The following AFAP1L2 variants were observed in gnomAD, a reference collection of about 807,000 sequenced individuals.
AFAP1L2 encodes the protein actin filament associated protein 1 like 2.
Under a neutral mutation model 99.3 loss-of-function variants are expected in AFAP1L2, and 46 were observed. The observed-to-expected ratio is 0.46, with a 90% CI of 0.37 to 0.59. AFAP1L2 has a LOEUF of 0.59. Among genes scored for constraint, AFAP1L2 ranks in the 20% least tolerant of loss-of-function variants. The pLI is 0.00. For synonymous variants in AFAP1L2, 397 were observed against 419.1 expected, an observed-to-expected ratio of 0.95 and a Z score of 0.64; for missense variants, 959 against 1,034.9, an observed-to-expected ratio of 0.93 and a Z score of 1.01.
Position 114,297,070 on chromosome 10 carries a change from C to A in AFAP1L2, c.2338G>T (p.Asp780Tyr), listed in dbSNP as rs889313487. 5.6e-6 allele frequency: 9 copies of A among 1,614,024 alleles called. No homozygotes were observed. The highest frequency in any genetic ancestry group is 7.6e-6 in the Non-Finnish European group (9 of 1,180,028). Residue 780 changes from aspartate (D) to tyrosine (Y), a missense_variant, in exon 18 of 19, where the codon GAC becomes TAC. By Grantham distance (160) the Asp-to-Tyr change is radical (BLOSUM62 -3). Around this residue, in one of 2 missense-constraint regions of AFAP1L2, gnomAD observed 576 missense variants for 562.1 expected, o/e 1.02. Coordinates refer to ENST00000304129, the MANE Select transcript of AFAP1L2 (RefSeq NM_001001936.3). Reference protein sequence around the residue: ...PKAVTPASAPDCTPVNSATTL... With the variant: ...PKAVTPASAPYCTPVNSATTL... The stretch of plus-strand genomic sequence containing the variant: ...GTTGCAGAGTTGACTGGGGTACAGT[C>A]TGGGGCAGAGGCAGGTGTGACAGCT...
the AFAP1L2 span, chr10:114,286,550 G>A: frequency 2.0e-6 from 3 of 1,493,822 alleles, no homozygotes; most frequent in Non-Finnish European, 2.7e-6. Flanking sequence ...GCTGGTCAGT[G>A]GGCGGGTCCT....
chr10:114,291,258 G>A (rs61869920), downstream of AFAP1L2: 68,165 of 1,549,168 alleles, frequency 0.044, 1,832 homozygotes, highest in Non-Finnish European at 0.051. Flanking sequence ...TCCCGTGCAG[G>A]AGGGCAGCAG....
At chr10:114,284,863 G>A in the AFAP1L2 span, 7 of 1,606,776 alleles carry the variant, frequency 4.4e-6, no homozygotes, top group Non-Finnish European at 5.1e-6. Flanking sequence ...TCTCTGATAG[G>A]CCCCTGTGAC....
intron 5 of AFAP1L2, among the ~76,000 whole-genome samples, chr10:114,321,395 G>A (rs1333552313): frequency 6.6e-6 from 1 of 152,108 alleles, no homozygotes; most frequent in Non-Finnish European, 1.5e-5. Context: ...TTAGAATAAT[G>A]GCCTCTAGCT....
chr10:114,307,322 C>T (rs980684561), intron 10 of AFAP1L2, among the ~76,000 whole-genome samples: 1 of 152,012 alleles, frequency 6.6e-6, no homozygotes, highest in Non-Finnish European at 1.5e-5. Flanking sequence ...GGCTCAGGTC[C>T]ACAAAGCTAT....
At chr10:114,337,656 C>T (rs1198739232) in intron 2 of AFAP1L2, among the ~76,000 whole-genome samples, 1 of 152,060 alleles carries the variant, frequency 6.6e-6, no homozygotes, top group Non-Finnish European at 1.5e-5. Flanking sequence ...AAAGGTCATC[C>T]TACAGGAAGC....
chr10:114,323,125 A>G, intron 5 of AFAP1L2, 46 bp downstream of exon 5: 2 of 1,514,714 alleles, frequency 1.3e-6, no homozygotes, highest in Non-Finnish European at 1.8e-6. Context: ...ACATCTGTGC[A>G]GGAAGCAGTA....
intron 12 of AFAP1L2, 44 bp from the exon 13 acceptor site, chr10:114,301,509 G>T: frequency 2.1e-6 from 3 of 1,439,208 alleles, no homozygotes; most frequent in South Asian, 1.1e-5. Flanking sequence ...GCCGGGGCAG[G>T]GTGGTGAAAG....
chr10:114,348,674 C>T lies in AFAP1L2; in HGVS notation c.17-7943G>A, dbSNP rs142989616. 4.0e-3 allele frequency among the ~76,000 whole-genome samples: 611 copies of T among 152,290 alleles called. 6 individuals are homozygous for T. The highest frequency in any genetic ancestry group is 0.014 in the African/African-American group (580 of 41,540). On this transcript the variant is annotated intron_variant, in intron 1 of 18. Transcript: ENST00000304129. ...ACTTTAAGTTCACGCAATGTGTAGC[C>T]ACTCAGAGGCATGCATACAAGAGGT...
intron 7 of AFAP1L2, among the ~76,000 whole-genome samples, chr10:114,313,333 C>T (rs998263427): frequency 2.0e-5 from 3 of 152,262 alleles, no homozygotes; most frequent in East Asian, 1.9e-4. Flanking sequence ...CACCCAGGGA[C>T]GCGTGGGCAG....
At chr10:114,396,808 G>C (rs964277949) in intron 1 of AFAP1L2, among the ~76,000 whole-genome samples, 20 of 152,186 alleles carry the variant, frequency 1.3e-4, no homozygotes, top group African/African-American at 4.8e-4. Flanking sequence ...GCCTTTAGGG[G>C]AGCTGCTTTT....
intron 1 of AFAP1L2, 77 bp downstream of exon 1, chr10:114,404,363 C>T: frequency 1.4e-6 from 2 of 1,449,194 alleles, no homozygotes; most frequent in Admixed American, 2.0e-5. Flanking sequence ...CCTGGCAAGA[C>T]GAGTCCTAGC....
chr10:114,339,882 G>A (rs2048533669), intron 2 of AFAP1L2, among the ~76,000 whole-genome samples: 1 of 151,734 alleles, frequency 6.6e-6, no homozygotes, highest in Non-Finnish European at 1.5e-5. Context: ...ATGGTGGTGG[G>A]CGCCTGTAAT....
Position 114,300,332 on chromosome 10 carries a change from A to C in AFAP1L2, c.1819T>G (p.Ser607Ala). 6.2e-7 allele frequency: 1 copy of C among 1,614,142 alleles called. No homozygotes were observed. The highest frequency in any genetic ancestry group is 8.5e-7 in the Non-Finnish European group (1 of 1,180,020). Residue 607 changes from serine to alanine, a missense_variant, in exon 15 of 19, where the codon TCC becomes GCC. Coordinates refer to ENST00000304129, the MANE Select transcript of AFAP1L2 (RefSeq NM_001001936.3). ...QLESLEPEDP[S>A]LRITTVKIQT... ...ATTTTGACGGTGGTGATTCTCAGGG[A>C]AGGATCCTCTGGCTCCAAACTCTCC...
chr10:114,283,421 A>G, the AFAP1L2 span, among the ~76,000 whole-genome samples: 4 of 152,012 alleles, frequency 2.6e-5, no homozygotes, highest in Non-Finnish European at 5.9e-5. Flanking sequence ...GAGTGTCCCT[A>G]TTTGGGGTTA....
At chr10:114,283,614 G>A in the AFAP1L2 span, among the ~76,000 whole-genome samples, 1 of 152,186 alleles carries the variant, frequency 6.6e-6, no homozygotes, top group Admixed American at 6.5e-5. Context: ...TCTGACCTGG[G>A]GCATGTGACT....
At chr10:114,366,894 G>A (rs2053345817) in intron 1 of AFAP1L2, among the ~76,000 whole-genome samples, 1 of 152,186 alleles carries the variant, frequency 6.6e-6, no homozygotes, top group South Asian at 2.1e-4. Context: ...CTTGAACCCA[G>A]GAGGTGGCGG....
intron 1 of AFAP1L2, among the ~76,000 whole-genome samples, chr10:114,355,647 C>T (rs544868484): frequency 6.6e-6 from 1 of 152,038 alleles, no homozygotes; most frequent in South Asian, 2.1e-4. Context: ...TGAATGCATA[C>T]CATCTAATAA....
At chr10:114,390,682 C>T (rs1483026399) in intron 1 of AFAP1L2, among the ~76,000 whole-genome samples, 1 of 147,552 alleles carries the variant, frequency 6.8e-6, no homozygotes, top group Non-Finnish European at 1.5e-5. Flanking sequence ...GATCACGCCA[C>T]TGTACTCCAG....
Sources: gnomAD v4.1 joint callset for allele counts (sites outside exome capture counted in the v4.1 genomes callset) on GRCh38, gnomAD v4.1.1 for gene constraint, gnomAD v4.1.1 regional missense constraint, MANE v1.5 for transcripts, NCBI Gene and HGNC (gene_info 2026-07-23, HGNC 2026-07-21) for gene names.